LMNTD1: variants seen among roughly 807,000 people sequenced by gnomAD.
LMNTD1 encodes the protein lamin tail domain containing 1, also known as lamin tail domain-containing protein 1.
LMNTD1 carries 35 observed loss-of-function variants against 50.9 expected under a neutral mutation model. The ratio of observed to expected loss-of-function variants is 0.69; its 90% CI spans 0.53 to 0.91. The LOEUF (loss-of-function observed/expected upper bound fraction) is 0.91. Among genes scored for constraint, LMNTD1 ranks in the 40% least tolerant of loss-of-function variants. The pLI is 0.00. For missense variants in LMNTD1, 470 were observed against 475.5 expected (o/e 0.99, Z 0.11); for synonymous variants, 153 against 161.9 (o/e 0.94, Z 0.42).
rs551883896 is a variant in LMNTD1 at position 25,631,977 on chromosome 12, T to C, written c.58+16517A>G. ...AAAACAATAAAAAATTCAGGAAACA[T>C]TGGACACACTTATAGAAATGTAAAA... On this transcript the variant is annotated intron_variant, in intron 1 of 7. Coordinates refer to the LMNTD1 transcript ENST00000445693. Among the ~76,000 whole-genome samples, 10 of 152,162 alleles carry C rather than the reference T, an allele frequency of 6.6e-5. No homozygotes were observed. In the South Asian group the frequency reaches 1.9e-3, roughly 28 times the overall value.
intron 1 of LMNTD1, among the ~76,000 whole-genome samples, chr12:25,592,033 GC>G (rs1945716250): frequency 2.0e-5 from 3 of 152,062 alleles, no homozygotes; most frequent in African/African-American, 4.8e-5. Context: ...AAATTATAAC[GC>G]CTAAGTTCTC....
intron 9 of LMNTD1, among the ~76,000 whole-genome samples, chr12:25,486,992 TGA>T (rs1022553790): frequency 8.5e-5 from 13 of 152,064 alleles, no homozygotes; most frequent in South Asian, 2.1e-4. Context: ...CACTGTGGTC[TGA>T]GAGACAGTTT....
chr12:25,622,698 CCAA>C (rs1272321132), intron 1 of LMNTD1, among the ~76,000 whole-genome samples: 2 of 152,092 alleles, frequency 1.3e-5, no homozygotes, highest in African/African-American at 4.8e-5. Flanking sequence ...TGTATAGTGT[CCAA>C]CAACATTTAA....
At chr12:25,626,977 T>C (rs1318994557) in intron 1 of LMNTD1, among the ~76,000 whole-genome samples, 1 of 152,206 alleles carries the variant, frequency 6.6e-6, no homozygotes, top group Non-Finnish European at 1.5e-5. Flanking sequence ...TATAGAATAG[T>C]AGTAAATCAG....
chr12:25,480,251 C>T (rs2135903644), intron 9 of LMNTD1, among the ~76,000 whole-genome samples: 1 of 152,296 alleles, frequency 6.6e-6, no homozygotes, highest in South Asian at 2.1e-4. Context: ...CATGCACTCC[C>T]ATTGTAGGCA....
At chr12:25,479,498 C>A (rs1405674457) in intron 9 of LMNTD1, among the ~76,000 whole-genome samples, 1 of 152,166 alleles carries the variant, frequency 6.6e-6, no homozygotes, top group Non-Finnish European at 1.5e-5. Flanking sequence ...ATTGTGACTT[C>A]AAAAGGCCAT....
intron 1 of LMNTD1, among the ~76,000 whole-genome samples, chr12:25,602,586 T>C (rs1946004991): frequency 6.6e-6 from 1 of 151,980 alleles, no homozygotes; most frequent in Admixed American, 6.6e-5. Flanking sequence ...TAAAGGGCTT[T>C]TAATTGCTGA....
At chr12:25,500,291 G>A (rs1400704481) in intron 9 of LMNTD1, among the ~76,000 whole-genome samples, 1 of 152,070 alleles carries the variant, frequency 6.6e-6, no homozygotes, top group African/African-American at 2.4e-5. Flanking sequence ...CCTCTCTCTG[G>A]GGGTTAAATA....
intron 1 of LMNTD1, among the ~76,000 whole-genome samples, chr12:25,613,337 C>G (rs1198676110): frequency 6.6e-6 from 1 of 152,116 alleles, no homozygotes; most frequent in East Asian, 1.9e-4. Flanking sequence ...GCTTAGGAAC[C>G]AAAAGACCTG....
At chr12:25,525,123 T>G in intron 6 of LMNTD1, among the ~76,000 whole-genome samples, 1 of 152,224 alleles carries the variant, frequency 6.6e-6, no homozygotes, top group Non-Finnish European at 1.5e-5. Context: ...AAAATCATTT[T>G]GAAAAAGGAT....
chr12:25,543,516 A>G (rs1943233332), intron 4 of LMNTD1, among the ~76,000 whole-genome samples: 2 of 152,006 alleles, frequency 1.3e-5, no homozygotes, highest in Non-Finnish European at 2.9e-5. Context: ...TATTTGATAC[A>G]ATCCAACACC....
intron 6 of LMNTD1, among the ~76,000 whole-genome samples, chr12:25,523,917 T>C (rs1191513959): frequency 2.0e-5 from 3 of 151,218 alleles, no homozygotes; most frequent in Admixed American, 2.0e-4. Context: ...GGCAAGAGCA[T>C]GCGCAAAGGC....
At chr12:25,628,269 T>C (rs1327280708) in intron 1 of LMNTD1, among the ~76,000 whole-genome samples, 1 of 151,974 alleles carries the variant, frequency 6.6e-6, no homozygotes, top group Non-Finnish European at 1.5e-5. Context: ...TTTTTATATT[T>C]ATGTTTCGGA....
At chr12:25,566,932 T>C (rs995723205) in intron 1 of LMNTD1, among the ~76,000 whole-genome samples, 1 of 152,204 alleles carries the variant, frequency 6.6e-6, no homozygotes, top group African/African-American at 2.4e-5. Flanking sequence ...ACATCTCCCT[T>C]GTGTGCAAAT....
intron 1 of LMNTD1, among the ~76,000 whole-genome samples, chr12:25,590,393 C>T (rs570921096): frequency 3.3e-5 from 5 of 152,166 alleles, no homozygotes; most frequent in African/African-American, 4.8e-5. Context: ...CTCAGCAGTC[C>T]GAACTTGAGT....
chr12:25,553,269 G>C lies in LMNTD1; in HGVS notation c.-231C>G. ...TGAGAGGGCAGTAACTTGGCAAAGA[G>C]ACCTTTATGACTACAGTTGTTGCTT... On this transcript the variant is annotated 5_prime_UTR_variant, in exon 1 of 10. Transcript: ENST00000458174. 2 of 1,446,008 alleles carry C rather than the reference G, an allele frequency of 1.4e-6. No homozygotes were observed. Among genetic ancestry groups the C allele is most frequent in the South Asian group, 3.0e-5 (2 of 66,610 alleles). 89.6% of individuals were successfully genotyped at this position (1,446,008 alleles called of 1,614,324 possible).
At chr12:25,640,531 T>C (rs913142238) in intron 1 of LMNTD1, among the ~76,000 whole-genome samples, 15 of 151,982 alleles carry the variant, frequency 9.9e-5, no homozygotes, top group African/African-American at 3.4e-4. Context: ...TAAAATTATA[T>C]TGTGGTGATC....
At chr12:25,641,202 TG>T (rs1946953606) in intron 1 of LMNTD1, among the ~76,000 whole-genome samples, 1 of 152,194 alleles carries the variant, frequency 6.6e-6, no homozygotes, top group South Asian at 2.1e-4. Context: ...AATAGTATTC[TG>T]TTTTTATTAA....
At chr12:25,591,609 C>T (rs1023045906) in intron 1 of LMNTD1, among the ~76,000 whole-genome samples, 4 of 152,122 alleles carry the variant, frequency 2.6e-5, no homozygotes, top group Non-Finnish European at 4.4e-5. Context: ...GGGAAGGACA[C>T]AGGCCTGGCT....
Sources: allele counts gnomAD v4.1 joint callset (sites outside exome capture counted in the v4.1 genomes callset), GRCh38; gene constraint gnomAD v4.1.1; transcripts MANE v1.5; gene names NCBI Gene and HGNC (gene_info 2026-07-23, HGNC 2026-07-21).